Variants in STX2 observed in about 807,000 individuals in gnomAD.
The protein encoded by STX2 is syntaxin 2, also known as syntaxin-2.
Under a neutral mutation model 40.6 loss-of-function variants are expected in STX2, and 27 were observed. The observed-to-expected ratio is 0.66, with a 90% CI of 0.49 to 0.92. The LOEUF (loss-of-function observed/expected upper bound fraction) is 0.92, where lower values mean the gene tolerates loss of function less well. Ranked by LOEUF, STX2 falls within the 40% of genes least tolerant of loss-of-function variation. The pLI is 0.00. For missense variants in STX2, 328 were observed against 366.1 expected (o/e 0.90, Z 0.85); for synonymous variants, 123 against 119.1 (o/e 1.03, Z -0.22).
intron 3 of STX2, among the ~76,000 whole-genome samples, chr12:130,817,144 G>T (rs1182607599): frequency 6.8e-6 from 1 of 147,380 alleles, no homozygotes; most frequent in Admixed American, 6.7e-5. Context: ...CCAACAAAAA[G>T]AGACAACACT....
chr12:130,826,059 G>T (rs569986242), intron 2 of STX2, among the ~76,000 whole-genome samples: 1 of 152,164 alleles, frequency 6.6e-6, no homozygotes, highest in Non-Finnish European at 1.5e-5. Flanking sequence ...TCCCAGCACC[G>T]CCAGGCCGCC....
chr12:130,808,563 C>A, intron 5 of STX2, 68 bp downstream of exon 5: 1 of 1,331,602 alleles, frequency 7.5e-7, no homozygotes, highest in South Asian at 1.3e-5. Flanking sequence ...TATTCAGAGT[C>A]TGCAAGAAGA....
Position 130,839,077 on chromosome 12 carries a change from A to G in STX2, c.23T>C (p.Leu8Pro). Residue 8 changes from leucine (L) to proline (P), a missense_variant, in exon 1 of 11, where the codon CTG (leucine) becomes CCG (proline). Leu to Pro is a moderately conservative substitution (Grantham distance 98). Coordinates refer to ENST00000392373, the MANE Select transcript of STX2 (RefSeq NM_194356.4). MRDRLPD[L>P]TACRKNDDGD... ...CCCGCGGCTGCCGCTCACCGCCGTC[A>G]GGTCTGGCAGCCGGTCCCGCATCCC... The G allele has an allele frequency of 7.5e-7, 1 of 1,328,000 alleles. No homozygotes were observed. The highest frequency in any genetic ancestry group is 9.7e-7 in the Non-Finnish European group (1 of 1,035,810). 82.3% of individuals were successfully genotyped at this position (1,328,000 alleles called of 1,614,324 possible).
intron 1 of STX2, among the ~76,000 whole-genome samples, chr12:130,832,885 C>T (rs546264776): frequency 1.3e-5 from 2 of 152,198 alleles, no homozygotes; most frequent in Non-Finnish European, 2.9e-5. Flanking sequence ...CCTCCCCCAG[C>T]CCTGTCCACA....
At chr12:130,818,170 CAAAAA>C (rs756794046) in intron 3 of STX2, among the ~76,000 whole-genome samples, 7 of 49,862 alleles carry the variant, frequency 1.4e-4, no homozygotes, top group African/African-American at 4.7e-4. Flanking sequence ...GCTGTTTCTA[CAAAAA>C]AAAAAAAAAA....
At chr12:130,816,927 A>C (rs1951880068) in intron 3 of STX2, among the ~76,000 whole-genome samples, 1 of 152,226 alleles carries the variant, frequency 6.6e-6, no homozygotes, top group Admixed American at 6.5e-5. Context: ...CTGAAGCCTC[A>C]GTCTAAATCA....
chr12:130,818,664 C>CGGTGCAGACGGCGCTGGA (rs1565925374), intron 3 of STX2, among the ~76,000 whole-genome samples: 1 of 35,294 alleles, frequency 2.8e-5, no homozygotes, highest in Non-Finnish European at 1.2e-4. Flanking sequence ...GAGATGGAGA[C>CGGTGCAGACGGCGCTGGA]GATGGAGACG....
chr12:130,797,791 G>A (rs1038441785), intron 9 of STX2, among the ~76,000 whole-genome samples: 2 of 152,366 alleles, frequency 1.3e-5, no homozygotes, highest in South Asian at 2.1e-4. Flanking sequence ...CAAAGTCTGT[G>A]CATCTTGAGT....
intron 6 of STX2, among the ~76,000 whole-genome samples, chr12:130,804,391 T>C (rs985575311): frequency 6.6e-6 from 1 of 152,064 alleles, no homozygotes; most frequent in Admixed American, 6.6e-5. Flanking sequence ...GACTCGTGCA[T>C]GCCAAGCTGT....
In STX2 at chr12:130,839,197, T is replaced by A; in HGVS notation, c.-98A>T. ...CCGGTCTCCGCCTCAGGCCCCGCGG[T>A]CCCGGCCCGGCGCCAGCAGCCCTCC... On this transcript the variant is annotated 5_prime_UTR_variant, in exon 1 of 11. Coordinates refer to ENST00000392373, the MANE Select transcript of STX2 (RefSeq NM_194356.4). The A allele has an allele frequency of 2.9e-6, 3 of 1,026,244 alleles. No homozygotes were observed. The highest frequency in any genetic ancestry group is 3.5e-6 in the Non-Finnish European group (3 of 845,682). The allele number at this position is 1,026,244 out of a possible 1,614,324, so 63.6% of individuals were successfully genotyped here.
chr12:130,827,919 T>TG (rs1952386544), intron 1 of STX2, among the ~76,000 whole-genome samples: 1 of 152,170 alleles, frequency 6.6e-6, no homozygotes. Context: ...CCTGGCAGGT[T>TG]GGGGCTGCAG....
chr12:130,795,470 G>A (rs1950999212), intron 10 of STX2, among the ~76,000 whole-genome samples: 2 of 152,188 alleles, frequency 1.3e-5, no homozygotes, highest in Admixed American at 1.3e-4. Flanking sequence ...TTCAGGCTGA[G>A]TACAGTGGCT....
intron 3 of STX2, among the ~76,000 whole-genome samples, chr12:130,820,416 C>T (rs1952067222): frequency 6.6e-6 from 1 of 152,120 alleles, no homozygotes; most frequent in South Asian, 2.1e-4. Context: ...CCTGAAATCC[C>T]AGCACTTTGG....
intron 1 of STX2, among the ~76,000 whole-genome samples, chr12:130,835,889 T>A (rs2136371452): frequency 6.6e-6 from 1 of 151,550 alleles, no homozygotes; most frequent in Non-Finnish European, 1.5e-5. Flanking sequence ...CAGATTGTAT[T>A]GAGCAGATTA....
At chr12:130,813,231 TA>T (rs766205808) in intron 3 of STX2, among the ~76,000 whole-genome samples, 200 bp from the exon 4 acceptor site, 13 of 152,126 alleles carry the variant, frequency 8.5e-5, no homozygotes, top group Non-Finnish European at 1.8e-4. Context: ...GGTGGCAGCT[TA>T]GTAGAAACAC....
At chr12:130,801,050 A>C (rs1951205051) in intron 8 of STX2, 103 bp downstream of exon 8, 1 of 1,362,982 alleles carries the variant, frequency 7.3e-7, no homozygotes, top group African/African-American at 1.4e-5. Flanking sequence ...GGTGGATCCA[A>C]AATAACAGCT....
rs1950838604 is a variant in STX2, at chr12:130,790,034, TC to T, written c.*1988del. On this transcript the variant is annotated 3_prime_UTR_variant, in exon 11 of 11. Transcript: ENST00000392373. The stretch of plus-strand genomic sequence containing the variant: ...AGGCAGGTCCCCCTGTGGACATGAT[TC>T]CACAGAGGCGTGGAGTCCTTTTGCC... The T allele has an allele frequency of 6.6e-6, 1 of 152,198 alleles. No homozygotes were observed. The highest frequency in any genetic ancestry group is 1.5e-5 in the Non-Finnish European group (1 of 68,034). 9.4% of individuals were successfully genotyped at this position (152,198 alleles called of 1,614,324 possible). A position where few individuals can be genotyped will look rare whatever the true frequency, so the allele number is the denominator to read the frequency against.
chr12:130,795,154 G>A (rs987030720), intron 10 of STX2, among the ~76,000 whole-genome samples: 7 of 152,076 alleles, frequency 4.6e-5, no homozygotes, highest in Admixed American at 6.5e-5. Context: ...AATATAATAC[G>A]TAATTTTCCT....
chr12:130,814,009 C>CAG (rs1951759816), intron 3 of STX2, among the ~76,000 whole-genome samples: 1 of 152,188 alleles, frequency 6.6e-6, no homozygotes, highest in Non-Finnish European at 1.5e-5. Flanking sequence ...TTCCTGACAC[C>CAG]CCCTCAGCTG....
Sources: gnomAD v4.1 joint callset for allele counts (sites outside exome capture counted in the v4.1 genomes callset) on GRCh38, gnomAD v4.1.1 for gene constraint, MANE v1.5 for transcripts, NCBI Gene and HGNC (gene_info 2026-07-23, HGNC 2026-07-21) for gene names.